Variants in RAI1 observed in about 807,000 individuals in gnomAD.
RAI1 encodes the protein retinoic acid-induced protein 1.
Under a neutral mutation model 123.8 loss-of-function variants are expected in RAI1, and 9 were observed. The observed-to-expected ratio is 0.07, with a 90% confidence interval of 0.04 to 0.13. The LOEUF is 0.13. Among genes scored for constraint, RAI1 ranks in the 10% least tolerant of loss-of-function variants. The pLI is 1.00. For missense variants in RAI1, 2,256 were observed against 2,545.8 expected (o/e 0.89, Z 2.45); for synonymous variants, 1,231 against 1,127.3 (o/e 1.09, Z -1.84).
intron 1 of RAI1, among the ~76,000 whole-genome samples, chr17:17,686,608 T>TGTGTGC (rs1491248703): frequency 5.8e-5 from 8 of 137,764 alleles, no homozygotes; most frequent in African/African-American, 2.8e-5. Context: ...TGTGTGTGTG[T>TGTGTGC]GCACGCGCGC....
In RAI1 at chr17:17,780,126, C is replaced by T. The variant is rs1598075247; in HGVS notation, c.-16-12807C>T. Among the ~76,000 whole-genome samples, 5 of 143,196 alleles carry T rather than the reference C, an allele frequency of 3.5e-5. No homozygotes were observed. In the South Asian group the frequency reaches 6.7e-4, roughly 19 times the overall value. 93.9% of individuals were successfully genotyped at this position (143,196 alleles called of 152,430 possible). A position where few individuals can be genotyped will look rare whatever the true frequency, so the allele number is the denominator to read the frequency against. On this transcript the variant is annotated intron_variant, in intron 2 of 5. Transcript: ENST00000353383. ...TTGTCCCCAGGCTGGAGTGCAATGG[C>T]GCAATCTTGGCTCACTGCAACCTCC...
At chr17:17,718,661 C>T (rs73981031) in intron 1 of RAI1, among the ~76,000 whole-genome samples, 76 of 151,954 alleles carry the variant, frequency 5.0e-4, no homozygotes, top group African/African-American at 1.8e-3. Flanking sequence ...AAAACCGGAT[C>T]CATGGGGGCA....
chr17:17,773,057 ATGGGTGGG>A (rs1237642369), intron 2 of RAI1, among the ~76,000 whole-genome samples: 3 of 33,962 alleles, frequency 8.8e-5, no homozygotes, highest in African/African-American at 4.3e-4. Context: ...GGATAGACTG[ATGGGTGGG>A]TGGGTGGGTG....
At chr17:17,759,006 A>G (rs1375010903) in intron 2 of RAI1, 2 of 152,366 alleles carry the variant, frequency 1.3e-5, no homozygotes, top group Non-Finnish European at 2.9e-5. Context: ...TCTGGTCGCC[A>G]TGGAAGGTTT....
intron 2 of RAI1, among the ~76,000 whole-genome samples, chr17:17,726,360 C>G (rs188998307): frequency 1.4e-4 from 21 of 152,282 alleles, no homozygotes; most frequent in African/African-American, 4.8e-4. Context: ...ATAGGTTGGA[C>G]CATGAGACCC....
chr17:17,701,460 T>G (rs1333984604), intron 1 of RAI1, among the ~76,000 whole-genome samples: 1 of 152,124 alleles, frequency 6.6e-6, no homozygotes, highest in Non-Finnish European at 1.5e-5. Context: ...CCTCTCTCCC[T>G]CATTCCCTTC....
chr17:17,734,948 G>T (rs1256645403), intron 2 of RAI1, among the ~76,000 whole-genome samples: 1 of 152,180 alleles, frequency 6.6e-6, no homozygotes, highest in African/African-American at 2.4e-5. Context: ...GAGAGAATCT[G>T]TTTGAAATCT....
Position 17,795,499 on chromosome 17 carries a change from G to C in RAI1, c.2551G>C (p.Gly851Arg), listed in dbSNP as rs762174634. 1 of 1,588,518 alleles carries C rather than the reference G, an allele frequency of 6.3e-7. No homozygotes were observed. The highest frequency in any genetic ancestry group is 1.1e-5 in the South Asian group (1 of 88,322). Reference protein sequence around the residue: ...SRHCCSTADFGDLPLLPPTSR... With the variant: ...SRHCCSTADFRDLPLLPPTSR... Reference sequence around the variant, plus strand: ...GCACTGCTGTTCCACCGCCGACTTCGGGGACCTCCCACTGCTGCCACCCAC... The same window carrying C: ...GCACTGCTGTTCCACCGCCGACTTCCGGGACCTCCCACTGCTGCCACCCAC... Residue 851 changes from glycine to arginine, a missense_variant, in exon 3 of 6, where the codon GGG becomes CGG. Gly to Arg is a moderately radical substitution (Grantham distance 125). Coordinates refer to ENST00000353383, the MANE Select transcript of RAI1 (RefSeq NM_030665.4). This position sits in a 1 kb window ranked among gnomAD's most constrained non-coding sequence, Gnocchi z 5.9.
At chr17:17,686,323 C>CG (rs955985631) in intron 1 of RAI1, among the ~76,000 whole-genome samples, 9 of 12,320 alleles carry the variant, frequency 7.3e-4, no homozygotes, top group Non-Finnish European at 1.3e-3. Flanking sequence ...TTGGTGGGGT[C>CG]GGGGGGCAGG....
intron 2 of RAI1, among the ~76,000 whole-genome samples, chr17:17,744,815 G>GA (rs1461948612): frequency 6.9e-6 from 1 of 145,540 alleles, no homozygotes; most frequent in African/African-American, 2.6e-5. Flanking sequence ...AAAAAAAAAG[G>GA]AAAACTGTAG....
chr17:17,726,610 T>C (rs571776321), intron 2 of RAI1, among the ~76,000 whole-genome samples: 13 of 152,346 alleles, frequency 8.5e-5, no homozygotes, highest in Non-Finnish European at 1.3e-4. Flanking sequence ...ATGGAGTGAA[T>C]GAATCAGTGG....
chr17:17,693,541 G>C (rs1201559713), intron 1 of RAI1, among the ~76,000 whole-genome samples: 1 of 152,256 alleles, frequency 6.6e-6, no homozygotes. Flanking sequence ...CCCAGGCTAG[G>C]AGCCCCTTGC....
rs773800327 is a variant in RAI1 at position 17,797,671 on chromosome 17, A to G, written c.4723A>G (p.Ile1575Val). ...VLPLDPAEPE[I>V]RLKYISSCKR... ...GCCCCTGGATCCCGCAGAGCCTGAA[A>G]TCCGCCTCAAGTACATTTCCTCTTG... Residue 1575 changes from isoleucine (I) to valine (V), a missense_variant, in exon 3 of 6, where the codon ATC becomes GTC. By Grantham distance (29) the Ile-to-Val change is conservative. This residue lies in a region of RAI1 where 410 missense variants were observed against 374.6 expected (regional missense o/e 1.09). Coordinates refer to ENST00000353383, the MANE Select transcript of RAI1 (RefSeq NM_030665.4). The G allele has an allele frequency of 6.2e-7, 1 of 1,613,812 alleles. No individual in the cohort carries two copies. The highest frequency in any genetic ancestry group is 1.7e-5 in the Admixed American group (1 of 60,032).
At chr17:17,712,697 G>T (rs1347989515) in intron 1 of RAI1, among the ~76,000 whole-genome samples, 1 of 152,196 alleles carries the variant, frequency 6.6e-6, no homozygotes, top group African/African-American at 2.4e-5. Context: ...TGATGATGCG[G>T]CCTGAACAGG....
chr17:17,701,252 C>G (rs1468717904), intron 1 of RAI1, among the ~76,000 whole-genome samples: 2 of 152,202 alleles, frequency 1.3e-5, no homozygotes, highest in Admixed American at 6.5e-5. Flanking sequence ...CCTATCTCTG[C>G]ATGCCCCTGC....
intron 2 of RAI1, among the ~76,000 whole-genome samples, chr17:17,783,209 A>G (rs1186479048): frequency 6.6e-6 from 1 of 151,872 alleles, no homozygotes; most frequent in African/African-American, 2.4e-5. Flanking sequence ...GGACCGGGGC[A>G]CCGAGGACCG....
intron 2 of RAI1, among the ~76,000 whole-genome samples, 151 bp from the exon 3 acceptor site, chr17:17,792,782 G>A (rs1190921353): frequency 4.0e-5 from 6 of 150,638 alleles, no homozygotes; most frequent in Admixed American, 6.6e-5. Context: ...AGAGCTGCGC[G>A]GGGGAGCAGG....
At chr17:17,762,301 A>G (rs1376167810) in intron 2 of RAI1, among the ~76,000 whole-genome samples, 1 of 152,120 alleles carries the variant, frequency 6.6e-6, no homozygotes, top group African/African-American at 2.4e-5. Flanking sequence ...ATGGCGTCCC[A>G]GGCGGAGGGA....
chr17:17,758,252 AC>A (rs1790579641), intron 2 of RAI1, among the ~76,000 whole-genome samples: 1 of 151,728 alleles, frequency 6.6e-6, no homozygotes, highest in South Asian at 2.1e-4. Flanking sequence ...CCCGGCCACC[AC>A]CTGGGCACTC....
Sources: gnomAD v4.1 joint callset for allele counts (sites outside exome capture counted in the v4.1 genomes callset) on GRCh38, gnomAD v4.1.1 for gene constraint, gnomAD v4.1.1 regional missense constraint, Gnocchi (gnomAD v3.1) non-coding constraint, MANE v1.5 for transcripts, NCBI Gene and HGNC (gene_info 2026-07-23, HGNC 2026-07-21) for gene names.